Variants in CPO observed in about 807,000 individuals in gnomAD.
CPO encodes carboxypeptidase O.
Under a neutral mutation model 41.2 loss-of-function variants are expected in CPO, and 43 were observed. That is an observed-to-expected ratio of 1.04 (90% CI 0.82 to 1.35). The LOEUF is 1.35. Ranked by LOEUF, CPO falls within the 40% of genes most tolerant of loss-of-function variation. CPO has a pLI of 0.00. For synonymous variants in CPO, 178 were observed against 162.7 expected (o/e 1.09, Z -0.72); for missense variants, 408 against 451.7 (o/e 0.90, Z 0.88).
chr2:206,965,171 A>G (rs1693548976), intron 7 of CPO, among the ~76,000 whole-genome samples: 1 of 152,234 alleles, frequency 6.6e-6, no homozygotes, highest in Non-Finnish European at 1.5e-5. Flanking sequence ...TCAATTCTGT[A>G]TCTCTTACAG....
At chr2:206,951,896 A>G (rs1349735) in intron 2 of CPO, among the ~76,000 whole-genome samples, 64,780 of 152,070 alleles carry the variant, frequency 0.43, 14,145 homozygotes, top group Non-Finnish European at 0.48. Flanking sequence ...CTCTCAAGAC[A>G]TAAGGCATCT....
chr2:206,943,412 T>C (rs1365183248), intron 1 of CPO, among the ~76,000 whole-genome samples: 4 of 152,122 alleles, frequency 2.6e-5, no homozygotes, highest in African/African-American at 7.2e-5. Flanking sequence ...CTCTCCTCTT[T>C]CCATTCTGAG....
rs1004249435 is a variant in CPO at position 206,941,978 on chromosome 2, C to T, written c.68+2311C>T. ...TAATTCTTCTTTCTGGAACGTAGCT[C>T]AAGGAAACAATAAAAAATAAGAACA... On this transcript the variant is annotated intron_variant, in intron 1 of 8. Transcript: ENST00000272852. 5.3e-5 allele frequency among the ~76,000 whole-genome samples: 8 copies of T among 151,694 alleles called. No homozygotes were observed. In the East Asian group the frequency reaches 1.2e-3, roughly 22 times the overall value.
In CPO at chr2:206,960,840, C is replaced by T. The variant is rs748212130; in HGVS notation, c.484-12C>T. On this transcript the variant is annotated splice_polypyrimidine_tract_variant and intron_variant, in intron 5 of 8. Coordinates refer to ENST00000272852, the MANE Select transcript of CPO (RefSeq NM_173077.3). ...CTTAGAACAGCAACATCCGTATGTTCCTCTGCTACAGGATCGTCTTTGGAG... is the reference window on the plus strand; with the variant it reads ...CTTAGAACAGCAACATCCGTATGTTTCTCTGCTACAGGATCGTCTTTGGAG... 4 of 1,578,086 alleles carry T rather than the reference C, an allele frequency of 2.5e-6. No homozygotes were observed. Among genetic ancestry groups the T allele is most frequent in the Admixed American group, 1.7e-5 (1 of 59,968 alleles).
At chr2:206,952,365 G>A (rs553671464) in intron 2 of CPO, among the ~76,000 whole-genome samples, 1 of 152,012 alleles carries the variant, frequency 6.6e-6, no homozygotes, top group South Asian at 2.1e-4. Context: ...CACCCACCTT[G>A]GCCTCCCAAA....
At chr2:206,945,379 G>A (rs1693123549) in intron 1 of CPO, among the ~76,000 whole-genome samples, 1 of 144,620 alleles carries the variant, frequency 6.9e-6, no homozygotes, top group South Asian at 2.2e-4. Context: ...ATACATATTT[G>A]CTGGGTAAAT....
At chr2:206,967,717 G>A (rs1693612980) in intron 7 of CPO, among the ~76,000 whole-genome samples, 1 of 152,174 alleles carries the variant, frequency 6.6e-6, no homozygotes, top group South Asian at 2.1e-4. Flanking sequence ...AGGTGGGTTA[G>A]AGTCATATTG....
Position 206,956,412 on chromosome 2 carries a change from T to TCAGCAG in CPO, c.267+850_267+851insGCAGCA, listed in dbSNP as rs141567906. Among the ~76,000 whole-genome samples the TCAGCAG allele has an allele frequency of 5.6e-3, 812 of 145,188 alleles. 10 individuals carry two copies. The highest frequency in any genetic ancestry group is 0.02 in the African/African-American group (760 of 38,838). On this transcript the variant is annotated intron_variant, in intron 3 of 8. Coordinates refer to ENST00000272852, the MANE Select transcript of CPO (RefSeq NM_173077.3). ...AAGGGCAGCACTTAAATCATCATCA[T>TCAGCAG]CATCAGCAGCAGCAGCAGCAGCATC...
intron 4 of CPO, 110 bp from the exon 5 acceptor site, chr2:206,959,521 G>T (rs1693439121): frequency 3.2e-6 from 2 of 625,172 alleles, no homozygotes; most frequent in African/African-American, 3.7e-5. Context: ...GGGACTGGAG[G>T]GTGGAGGTGT....
chr2:206,962,091 C>T (rs1265139357), intron 6 of CPO, among the ~76,000 whole-genome samples: 2 of 139,114 alleles, frequency 1.4e-5, no homozygotes, highest in South Asian at 4.8e-4. Context: ...CAGAGCGAGA[C>T]TCTGTCTCAA....
intron 7 of CPO, 144 bp downstream of exon 7, chr2:206,962,758 C>A: frequency 6.1e-6 from 4 of 654,510 alleles, no homozygotes. Flanking sequence ...TGCTTTTGCA[C>A]CTTGCCAGAC....
intron 1 of CPO, among the ~76,000 whole-genome samples, chr2:206,944,927 TTGAGGA>T (rs1188633589): frequency 1.3e-5 from 2 of 152,108 alleles, no homozygotes; most frequent in Non-Finnish European, 2.9e-5. Context: ...TTGGCATTGT[TTGAGGA>T]TAATACTAGT....
intron 6 of CPO, 96 bp downstream of exon 6, chr2:206,961,038 C>G: frequency 1.1e-6 from 1 of 875,734 alleles, no homozygotes; most frequent in African/African-American, 1.7e-5. Flanking sequence ...AAAATAACAT[C>G]TAATATGGTA....
chr2:206,965,582 C>T (rs1184324586), intron 7 of CPO, among the ~76,000 whole-genome samples: 1 of 152,100 alleles, frequency 6.6e-6, no homozygotes, highest in Non-Finnish European at 1.5e-5. Flanking sequence ...TACATGCTTA[C>T]ATTCTTTCCA....
chr2:206,948,713 A>G (rs1693194644), intron 1 of CPO, among the ~76,000 whole-genome samples: 1 of 152,218 alleles, frequency 6.6e-6, no homozygotes, highest in Non-Finnish European at 1.5e-5. Flanking sequence ...GTGAGCTATA[A>G]TCATACCATT....
intron 1 of CPO, among the ~76,000 whole-genome samples, chr2:206,949,336 A>G (rs1349692355): frequency 6.6e-6 from 1 of 152,236 alleles, no homozygotes; most frequent in African/African-American, 2.4e-5. Flanking sequence ...TACAAATTTT[A>G]AAGTATTTTT....
intron 2 of CPO, among the ~76,000 whole-genome samples, chr2:206,952,992 A>G (rs1033708506): frequency 6.6e-6 from 1 of 152,078 alleles, no homozygotes; most frequent in Non-Finnish European, 1.5e-5. Context: ...CTATCACGAG[A>G]ACAGCTCAGG....
intron 7 of CPO, among the ~76,000 whole-genome samples, chr2:206,967,482 C>G (rs1250472391): frequency 2.6e-5 from 4 of 151,676 alleles, no homozygotes; most frequent in Non-Finnish European, 4.4e-5. Flanking sequence ...AGATAGAATC[C>G]AGTTGGAGGG....
chr2:206,957,815 G>A (rs1477872651), intron 3 of CPO, among the ~76,000 whole-genome samples: 1 of 152,198 alleles, frequency 6.6e-6, no homozygotes, highest in Non-Finnish European at 1.5e-5. Context: ...AGGGGAAGGG[G>A]AATTTGTGTA....
Sources: allele counts gnomAD v4.1 joint callset (sites outside exome capture counted in the v4.1 genomes callset), GRCh38; gene constraint gnomAD v4.1.1; transcripts MANE v1.5; gene names NCBI Gene and HGNC (gene_info 2026-07-23, HGNC 2026-07-21).